Variants in TMEM151B observed in about 807,000 individuals in gnomAD.
TMEM151B encodes the protein transmembrane protein 193.
A neutral mutation model predicts 33.0 loss-of-function variants in TMEM151B; 18 were observed. The ratio of observed to expected loss-of-function variants is 0.55; its 90% CI spans 0.38 to 0.81. The LOEUF (loss-of-function observed/expected upper bound fraction) is 0.81. TMEM151B is among the 30% of genes least tolerant of loss of function. The probability of loss-of-function intolerance (pLI) is 0.00; values close to 1 mark genes in which losing one functional copy is unlikely to be tolerated. For synonymous variants in TMEM151B, 354 were observed against 373.6 expected (o/e 0.95, Z 0.61); for missense variants, 672 against 843.4 (o/e 0.80, Z 2.52).
In TMEM151B at chr6:44,273,097, C is replaced by T; in HGVS notation, c.167C>T (p.Ser56Phe). ...CCCATCCAGCCCTCTTTCACCAAGT[C>T]CCTCTGCCGTGAGTCCCACTGGAAG... ...QRPIQPSFTK[S>F]LCRESHWKCL... is the part of the protein sequence containing the mutation. The change falls in exon 2 of 3, where the codon TCC (serine) becomes TTC (phenylalanine). Residue 56 changes from serine to phenylalanine, a missense_variant. Physicochemically the swap from Ser to Phe is radical, Grantham distance 155. This residue lies in a region of TMEM151B where 285 missense variants were observed against 423.1 expected (regional missense o/e 0.67). Coordinates refer to ENST00000451188, the MANE Select transcript of TMEM151B (RefSeq NM_001137560.2). 1.3e-6 allele frequency: 2 copies of T among 1,506,276 alleles called. No homozygotes were observed. Among genetic ancestry groups the T allele is most frequent in the Non-Finnish European group, 8.9e-7 (1 of 1,120,886 alleles). 93.3% of individuals were successfully genotyped at this position (1,506,276 alleles called of 1,614,324 possible).
In TMEM151B at chr6:44,276,837, T is replaced by TGA; in HGVS notation, c.*310_*311insGA. 1 of 328,058 alleles carries TGA rather than the reference T, an allele frequency of 3.0e-6. No individual in the cohort carries two copies. The highest frequency in any genetic ancestry group is 5.2e-6 in the Non-Finnish European group (1 of 192,556). The allele number at this position is 328,058 out of a possible 1,614,324, so 20.3% of individuals were successfully genotyped here. A position where few individuals can be genotyped will look rare whatever the true frequency, so the allele number is the denominator to read the frequency against. On this transcript the variant is annotated 3_prime_UTR_variant, in exon 3 of 3. Transcript: ENST00000451188. ...TCCAGCCCTTCAACAGATCTTCTGT[T>TGA]AGATGACAACCGTGCCGTGGGCCCC... is the stretch of plus-strand genomic sequence containing the variant.
chr6:44,271,359 G>GTA (rs2153336672), intron 1 of TMEM151B, among the ~76,000 whole-genome samples: 1 of 67,348 alleles, frequency 1.5e-5, no homozygotes, highest in East Asian at 3.3e-4. Context: ...GAGTGTGTGT[G>GTA]TGTGTGTGTG....
In TMEM151B at chr6:44,275,975, G is replaced by C; in HGVS notation, c.1149G>C (p.Leu383=). The change falls in exon 3 of 3, where the codon CTG becomes CTC. Residue 383 remains leucine (L), a synonymous_variant. Transcript: ENST00000451188. ...LEWHIRSNQQ[L]VPSYSEAVLM... ...GGCACATCCGCTCCAACCAGCAGCT[G>C]GTGCCCAGCTACTCTGAGGCGGTGC... 6.9e-7 allele frequency: 1 copy of C among 1,457,468 alleles called. No individual in the cohort carries two copies. Among genetic ancestry groups the C allele is most frequent in the Non-Finnish European group, 9.1e-7 (1 of 1,101,402 alleles). 90.3% of individuals were successfully genotyped at this position (1,457,468 alleles called of 1,614,324 possible). A position where few individuals can be genotyped will look rare whatever the true frequency, so the allele number is the denominator to read the frequency against.
chr6:44,272,985 C>G, intron 1 of TMEM151B, 81 bp from the exon 2 acceptor site: 1 of 1,219,842 alleles, frequency 8.2e-7, no homozygotes, highest in South Asian at 1.6e-5. Context: ...GCCCCTCCAT[C>G]CCCGTATCCA....
chr6:44,275,582 G>C lies in TMEM151B; in HGVS notation c.756G>C (p.Gln252His). ...SVEAENAYLC[Q>H]RARFFAENEG... The stretch of plus-strand genomic sequence containing the variant: ...AGGCCGAGAACGCGTACCTGTGCCA[G>C]CGCGCGCGCTTCTTCGCAGAGAACG... The change falls in exon 3 of 3, where the codon CAG becomes CAC. Residue 252 changes from glutamine (Q) to histidine (H), a missense_variant. Coordinates refer to ENST00000451188, the MANE Select transcript of TMEM151B (RefSeq NM_001137560.2). The C allele has an allele frequency of 6.4e-7, 1 of 1,550,990 alleles. No homozygotes were observed. The highest frequency in any genetic ancestry group is 8.7e-7 in the Non-Finnish European group (1 of 1,146,706).
Position 44,276,499 on chromosome 6 carries a change from A to G in TMEM151B, c.1673A>G (p.His558Arg), listed in dbSNP as rs1313682729. ...LGHSHRPLHR[H>R]GSCVETSL ...CACAGCCACCGGCCGCTGCACCGCC[A>G]CGGCTCCTGCGTAGAGACCTCACTG... Residue 558 changes from histidine (H) to arginine (R), a missense_variant, in exon 3 of 3, where the codon CAC becomes CGC. This residue lies in a region of TMEM151B where 324 missense variants were observed against 363.1 expected (regional missense o/e 0.89). Transcript: ENST00000451188. 1.4e-6 allele frequency: 2 copies of G among 1,421,934 alleles called. No homozygotes were observed. Among genetic ancestry groups the G allele is most frequent in the African/African-American group, 1.5e-5 (1 of 67,748 alleles). 88.1% of individuals were successfully genotyped at this position (1,421,934 alleles called of 1,614,324 possible).
rs375016811 is a variant in TMEM151B at position 44,271,199 on chromosome 6, C to T, written c.135+322C>T. ...GGGGACGGTGGCGGGGATCCTGTCT[C>T]ACAGAGGAGGATGCTACCTTGAAGG... On this transcript the variant is annotated intron_variant, in intron 1 of 2. Transcript: ENST00000451188. Among the ~76,000 whole-genome samples the T allele has an allele frequency of 7.0e-4, 107 of 151,912 alleles. 3 individuals carry two copies. The South Asian group carries it at 0.022, about 31-fold the overall frequency.
intron 2 of TMEM151B, among the ~76,000 whole-genome samples, chr6:44,274,761 G>T (rs1782500502): frequency 6.6e-6 from 1 of 152,238 alleles, no homozygotes; most frequent in South Asian, 2.1e-4. Context: ...AAATGGATCA[G>T]GCAGGCCAGA....
At chr6:44,272,068 A>G (rs745325646) in intron 1 of TMEM151B, among the ~76,000 whole-genome samples, 75 of 152,292 alleles carry the variant, frequency 4.9e-4, no homozygotes, top group Non-Finnish European at 4.4e-4. Flanking sequence ...ATGGGCCCTC[A>G]GGAGTACCCA....
Position 44,279,287 on chromosome 6 carries a change from T to TG in TMEM151B, c.*2764dup, listed in dbSNP as rs1303465143. On this transcript the variant is annotated 3_prime_UTR_variant, in exon 3 of 3. Transcript: ENST00000451188. ...GGCACCTGGAAGGCTCCATGTGTCC[T>TG]GGGGACAAGGGCTTGTGGGGTGGGC... 2 of 152,424 alleles carry TG rather than the reference T, an allele frequency of 1.3e-5. No individual in the cohort carries two copies. The highest frequency in any genetic ancestry group is 3.8e-4 in the East Asian group (2 of 5,210). The allele number at this position is 152,424 out of a possible 1,614,324, so 9.4% of individuals were successfully genotyped here. A position where few individuals can be genotyped will look rare whatever the true frequency, so the allele number is the denominator to read the frequency against.
Position 44,273,455 on chromosome 6 carries a change from C to T in TMEM151B, c.525C>T (p.Arg175=). The part of the protein sequence containing the change: ...WKAISYHYVR[R]TRQVTRYRNG... ...CCATCAGCTACCACTATGTCCGCCGCACCCGCCAGGTCACCAGATACCGCA... is the reference window on the plus strand; with the variant it reads ...CCATCAGCTACCACTATGTCCGCCGTACCCGCCAGGTCACCAGATACCGCA... The change falls in exon 2 of 3, where the codon CGC becomes CGT. Residue 175 remains arginine, a synonymous_variant. Transcript: ENST00000451188. The T allele has an allele frequency of 1.3e-6, 2 of 1,550,876 alleles. No homozygotes were observed. Among genetic ancestry groups the T allele is most frequent in the Non-Finnish European group, 1.7e-6 (2 of 1,146,874 alleles).
intron 2 of TMEM151B, among the ~76,000 whole-genome samples, 181 bp downstream of exon 2, chr6:44,273,687 C>T (rs1319713663): frequency 1.3e-5 from 2 of 152,236 alleles, no homozygotes; most frequent in Non-Finnish European, 2.9e-5. Context: ...CAAAAACCGA[C>T]CAGGAGCCAG....
At position 44,270,825 on chromosome 6, in the gene TMEM151B, T is replaced by A; in HGVS notation, c.83T>A (p.Leu28His). 1 of 1,117,276 alleles carries A rather than the reference T, an allele frequency of 9.0e-7. No individual in the cohort carries two copies. Among genetic ancestry groups the A allele is most frequent in the South Asian group, 4.3e-5 (1 of 23,010 alleles). The allele number at this position is 1,117,276 out of a possible 1,614,324, so 69.2% of individuals were successfully genotyped here. ...GGCGGCCCCGGGGTCTCGGAGGAGC[T>A]CACGGCGGCGGCGGCAGCGGCGGCG... is the stretch of plus-strand genomic sequence containing the variant. ...GGGGPGVSEELTAAAAAAAAD... is the reference protein window; with the variant it reads ...GGGGPGVSEEHTAAAAAAAAD... The change falls in exon 1 of 3, where the codon CTC becomes CAC. Residue 28 changes from leucine to histidine, a missense_variant. Coordinates refer to ENST00000451188, the MANE Select transcript of TMEM151B (RefSeq NM_001137560.2).
At chr6:44,271,107 AG>A (rs1353101884) in intron 1 of TMEM151B, among the ~76,000 whole-genome samples, 2 of 150,102 alleles carry the variant, frequency 1.3e-5, no homozygotes, top group Non-Finnish European at 3.0e-5. Flanking sequence ...GGGCAGGGGG[AG>A]GGGCCTAGGG....
Position 44,275,701 on chromosome 6 carries a change from G to T in TMEM151B, c.875G>T (p.Arg292Leu). 1 of 1,550,520 alleles carries T rather than the reference G, an allele frequency of 6.4e-7. No homozygotes were observed. The change falls in exon 3 of 3, where the codon CGG becomes CTG. Residue 292 changes from arginine (R) to leucine (L), a missense_variant. Around this residue, in one of 3 missense-constraint regions of TMEM151B, gnomAD observed 285 missense variants for 423.1 expected, o/e 0.67. Coordinates refer to ENST00000451188, the MANE Select transcript of TMEM151B (RefSeq NM_001137560.2). ...EFMVAFPDPA[R>L]PPWYACSSAF... ...ATGGTGGCCTTCCCGGACCCGGCCC[G>T]GCCGCCCTGGTACGCCTGCTCGTCG...
At position 44,279,162 on chromosome 6, in the gene TMEM151B, A is replaced by C. The variant is rs890841569; in HGVS notation, c.*2635A>C. ...AGGATGGGCAATGGCGCTCAGCCTGAATCAGTCAGCTAGGTCTCTTGTGGC... is the reference window on the plus strand; with the variant it reads ...AGGATGGGCAATGGCGCTCAGCCTGCATCAGTCAGCTAGGTCTCTTGTGGC... On this transcript the variant is annotated 3_prime_UTR_variant, in exon 3 of 3. Coordinates refer to ENST00000451188, the MANE Select transcript of TMEM151B (RefSeq NM_001137560.2). 6.6e-6 allele frequency: 1 copy of C among 152,332 alleles called. No individual in the cohort carries two copies. The highest frequency in any genetic ancestry group is 1.5e-5 in the Non-Finnish European group (1 of 68,128). 9.4% of individuals were successfully genotyped at this position (152,332 alleles called of 1,614,324 possible).
intron 2 of TMEM151B, among the ~76,000 whole-genome samples, 175 bp from the exon 3 acceptor site, chr6:44,275,228 C>G (rs1268946836): frequency 6.6e-6 from 1 of 152,182 alleles, no homozygotes; most frequent in East Asian, 1.9e-4. Context: ...GCGTCAGTTG[C>G]CCTGTAAGTC....
At chr6:44,272,511 C>T (rs1172406479) in intron 1 of TMEM151B, among the ~76,000 whole-genome samples, 12 of 152,018 alleles carry the variant, frequency 7.9e-5, no homozygotes, top group Admixed American at 7.9e-4. Context: ...GGGAGTAGCT[C>T]CTCTAGAACC....
At position 44,276,391 on chromosome 6, in the gene TMEM151B, A is replaced by G; in HGVS notation, c.1565A>G (p.Glu522Gly). The change falls in exon 3 of 3, where the codon GAG (glutamate) becomes GGG (glycine). Residue 522 changes from glutamate to glycine, a missense_variant. Coordinates refer to ENST00000451188, the MANE Select transcript of TMEM151B (RefSeq NM_001137560.2). ...GGGGACGACGAGGACGACGACGAGG[A>G]GGAGGCCGGGCCGCCGCCGCCCTAC... Reference protein sequence around the residue: ...SMGDDEDDDEEEAGPPPPYHD... With the variant: ...SMGDDEDDDEGEAGPPPPYHD... 1 of 1,514,942 alleles carries G rather than the reference A, an allele frequency of 6.6e-7. No individual in the cohort carries two copies. The highest frequency in any genetic ancestry group is 8.8e-7 in the Non-Finnish European group (1 of 1,136,984). The allele number at this position is 1,514,942 out of a possible 1,614,324, so 93.8% of individuals were successfully genotyped here.
Sources: allele counts gnomAD v4.1 joint callset (sites outside exome capture counted in the v4.1 genomes callset), GRCh38; gene constraint gnomAD v4.1.1; regional missense constraint gnomAD v4.1.1; transcripts MANE v1.5; gene names NCBI Gene and HGNC (gene_info 2026-07-23, HGNC 2026-07-21).